PEX5L: variants seen among roughly 807,000 people sequenced by gnomAD.
PEX5L encodes PEX5-related protein.
A neutral mutation model predicts 84.0 loss-of-function variants in PEX5L; 30 were observed. The ratio of observed to expected loss-of-function variants is 0.36; its 90% confidence interval spans 0.27 to 0.48. The LOEUF is 0.48. Ranked by LOEUF, PEX5L falls within the 20% of genes least tolerant of loss-of-function variation. The probability of loss-of-function intolerance (pLI) is 0.99; values close to 1 mark genes in which losing one functional copy is unlikely to be tolerated. For synonymous variants in PEX5L, 270 were observed against 283.1 expected, an observed-to-expected ratio of 0.95 and a Z score of 0.46; for missense variants, 533 against 754.6, an observed-to-expected ratio of 0.71 and a Z score of 3.44.
At chr3:180,008,302 A>C (rs1789108778) in intron 1 of PEX5L, among the ~76,000 whole-genome samples, 1 of 152,172 alleles carries the variant, frequency 6.6e-6, no homozygotes, top group South Asian at 2.1e-4. Context: ...CAAGTGCCTC[A>C]TCTCTTCTCC....
intron 13 of PEX5L, 69 bp downstream of exon 13, chr3:179,808,203 G>T: frequency 8.0e-7 from 1 of 1,253,624 alleles, no homozygotes; most frequent in Non-Finnish European, 1.1e-6. Flanking sequence ...AAATGTAGAC[G>T]GTGTAGCCTG....
intron 2 of PEX5L, among the ~76,000 whole-genome samples, chr3:179,966,109 T>A (rs548573944): frequency 6.6e-6 from 1 of 152,302 alleles, no homozygotes; most frequent in South Asian, 2.1e-4. Context: ...TTATTTTTCA[T>A]CGATCAATCT....
At chr3:179,889,916 A>T (rs375863828) in intron 3 of PEX5L, among the ~76,000 whole-genome samples, 2 of 152,222 alleles carry the variant, frequency 1.3e-5, no homozygotes, top group East Asian at 3.8e-4. Flanking sequence ...CTGGAAATGT[A>T]GTTGAAAGCA....
At chr3:179,937,416 T>TA (rs372730473) in intron 2 of PEX5L, among the ~76,000 whole-genome samples, 14 of 148,414 alleles carry the variant, frequency 9.4e-5, no homozygotes, top group Middle Eastern at 3.5e-3. Flanking sequence ...TACTCCAAAA[T>TA]AAAAAAAAAA....
At chr3:179,967,511 T>G (rs978027276) in intron 2 of PEX5L, among the ~76,000 whole-genome samples, 1 of 152,128 alleles carries the variant, frequency 6.6e-6, no homozygotes, top group Admixed American at 6.6e-5. Context: ...AAAACTTATT[T>G]GAAAATGAGA....
chr3:179,874,375 G>T lies in PEX5L; in HGVS notation c.678C>A (p.Ala226=). The T allele has an allele frequency of 1.9e-6, 3 of 1,612,956 alleles. No homozygotes were observed. Among genetic ancestry groups the T allele is most frequent in the South Asian group, 1.1e-5 (1 of 91,008 alleles). The stretch of plus-strand genomic sequence containing the variant: ...ATTCTGAAGCCGACTCAGAGTTGAG[G>T]GCGCTTTTTCCACCACTCAGTTCTG... ...SQPELSGGKS[A]LNSESASELE... is the part of the protein sequence containing the mutation. The change falls in exon 7 of 15, where the codon GCC becomes GCA. Residue 226 remains alanine (A), a synonymous_variant. Coordinates refer to ENST00000467460, the MANE Select transcript of PEX5L (RefSeq NM_016559.3).
chr3:179,987,553 C>CT (rs1786968158), intron 1 of PEX5L, among the ~76,000 whole-genome samples: 1 of 152,136 alleles, frequency 6.6e-6, no homozygotes, highest in Non-Finnish European at 1.5e-5. Flanking sequence ...AATGGCTTAG[C>CT]TGCAGTTCAT....
chr3:179,995,036 A>T (rs1447075104), intron 1 of PEX5L, among the ~76,000 whole-genome samples: 1 of 147,204 alleles, frequency 6.8e-6, no homozygotes, highest in East Asian at 2.0e-4. Flanking sequence ...TACTTAATAA[A>T]CTCCCCTATA....
chr3:180,002,629 G>A (rs945988516), intron 1 of PEX5L, among the ~76,000 whole-genome samples: 1 of 152,010 alleles, frequency 6.6e-6, no homozygotes, highest in Non-Finnish European at 1.5e-5. Flanking sequence ...TGTCAAATGT[G>A]TTGTAAATAT....
At chr3:179,813,826 G>A (rs1464797084) in intron 10 of PEX5L, among the ~76,000 whole-genome samples, 8 of 151,952 alleles carry the variant, frequency 5.3e-5, no homozygotes, top group Admixed American at 3.9e-4. Context: ...ACAGGCGCCC[G>A]CCACCGCGCC....
At chr3:179,884,982 TG>T (rs1222940484) in intron 4 of PEX5L, among the ~76,000 whole-genome samples, 3 of 150,152 alleles carry the variant, frequency 2.0e-5, no homozygotes, top group African/African-American at 7.4e-5. Flanking sequence ...TTTTTTATTT[TG>T]TATTGATTTA....
At chr3:179,976,701 G>A (rs1399113558) in intron 1 of PEX5L, among the ~76,000 whole-genome samples, 1 of 152,186 alleles carries the variant, frequency 6.6e-6, no homozygotes, top group Non-Finnish European at 1.5e-5. Flanking sequence ...GCCTCCCAAA[G>A]TGCTGGGATT....
chr3:179,865,677 C>T (rs935173248), intron 7 of PEX5L, among the ~76,000 whole-genome samples: 7 of 152,100 alleles, frequency 4.6e-5, no homozygotes, highest in Admixed American at 3.9e-4. Context: ...GTTGTTTTGA[C>T]AGCACAGTGA....
chr3:179,842,548 A>T (rs552402391), intron 8 of PEX5L, among the ~76,000 whole-genome samples: 1 of 152,254 alleles, frequency 6.6e-6, no homozygotes, highest in South Asian at 2.1e-4. Context: ...TTATAAATAG[A>T]ACAGTATGTA....
chr3:179,854,761 G>A (rs1256212146), intron 8 of PEX5L, among the ~76,000 whole-genome samples: 7 of 152,084 alleles, frequency 4.6e-5, no homozygotes, highest in Admixed American at 1.3e-4. Context: ...GTAGGCACCA[G>A]ACATTGTTCT....
intron 8 of PEX5L, among the ~76,000 whole-genome samples, chr3:179,832,941 C>G (rs1560288404): frequency 1.3e-5 from 2 of 152,240 alleles, no homozygotes; most frequent in African/African-American, 4.8e-5. Flanking sequence ...AACTAATCTT[C>G]AACTGTTAAA....
chr3:179,941,354 C>G (rs910677427), intron 2 of PEX5L, among the ~76,000 whole-genome samples: 4 of 152,160 alleles, frequency 2.6e-5, no homozygotes, highest in Non-Finnish European at 5.9e-5. Context: ...CCCCTCAGCT[C>G]AAAATTCTCT....
chr3:179,876,195 G>C (rs1752328872), intron 5 of PEX5L, among the ~76,000 whole-genome samples: 1 of 152,070 alleles, frequency 6.6e-6, no homozygotes, highest in Non-Finnish European at 1.5e-5. Flanking sequence ...CAGTTTTTTA[G>C]TTTATAAAAA....
intron 2 of PEX5L, among the ~76,000 whole-genome samples, chr3:179,924,884 C>G (rs1770962550): frequency 1.3e-5 from 2 of 152,124 alleles, no homozygotes; most frequent in Non-Finnish European, 2.9e-5. Context: ...TTAAAAAGTA[C>G]TGCAAAGCAC....
Sources: allele counts gnomAD v4.1 joint callset (sites outside exome capture counted in the v4.1 genomes callset), GRCh38; gene constraint gnomAD v4.1.1; transcripts MANE v1.5; gene names NCBI Gene and HGNC (gene_info 2026-07-23, HGNC 2026-07-21).